EPHA6: variants seen among roughly 807,000 people sequenced by gnomAD.
EPHA6 encodes ephrin type-A receptor 6.
In EPHA6, 50 loss-of-function variants were observed where a neutral mutation model predicts 112.0. The ratio of observed to expected loss-of-function variants is 0.45; its 90% CI spans 0.36 to 0.56. EPHA6 has a LOEUF of 0.56. Among genes scored for constraint, EPHA6 ranks in the 20% least tolerant of loss-of-function variants. The probability of loss-of-function intolerance (pLI) is 0.00; values close to 1 mark genes in which losing one functional copy is unlikely to be tolerated. For missense variants in EPHA6, 1,280 were observed against 1,417.4 expected (o/e 0.90, Z 1.56); for synonymous variants, 529 against 490.7 (o/e 1.08, Z -1.03).
Position 96,869,200 on chromosome 3 carries a change from A to T in EPHA6, c.450+2311A>T, listed in dbSNP as rs538699115. Reference sequence around the variant, plus strand: ...CAAATACCCTGTTATTGTGCCTAAGACAGATTTTTCTACCCTCAAGGGGTA... The same window carrying T: ...CAAATACCCTGTTATTGTGCCTAAGTCAGATTTTTCTACCCTCAAGGGGTA... On this transcript the variant is annotated intron_variant, in intron 2 of 17. Transcript: ENST00000389672. Among the ~76,000 whole-genome samples, 6 of 152,098 alleles carry T rather than the reference A, an allele frequency of 3.9e-5. No homozygotes were observed. In the South Asian group the frequency reaches 1.2e-3, roughly 32 times the overall value.
At chr3:97,343,522 A>G (rs1223289522) in intron 5 of EPHA6, among the ~76,000 whole-genome samples, 1 of 152,198 alleles carries the variant, frequency 6.6e-6, no homozygotes, top group Non-Finnish European at 1.5e-5. Flanking sequence ...GAGAGAGTAT[A>G]TTCAGAAGAG....
chr3:97,547,425 A>G lies in EPHA6; in HGVS notation c.2386+14882A>G, dbSNP rs566797596. 1.2e-4 allele frequency among the ~76,000 whole-genome samples: 18 copies of G among 152,152 alleles called. 1 individual carries two copies. In the South Asian group the frequency reaches 3.7e-3, roughly 32 times the overall value. On this transcript the variant is annotated intron_variant, in intron 11 of 17. Coordinates refer to ENST00000389672, the MANE Select transcript of EPHA6 (RefSeq NM_001080448.3). ...GCTGCTGCCTGATTGTTCCTCTGAA[A>G]GTTTTGTCTCAGAGGAGTACCCGGC... is the stretch of plus-strand genomic sequence containing the variant.
In EPHA6 at chr3:97,169,536, G is replaced by A. The variant is rs368036980; in HGVS notation, c.1115-56728G>A. Among the ~76,000 whole-genome samples, 72 of 152,020 alleles carry A rather than the reference G, an allele frequency of 4.7e-4. 1 individual carries two copies. Among genetic ancestry groups the A allele is most frequent in the African/African-American group, 1.5e-3 (62 of 41,462 alleles). On this transcript the variant is annotated intron_variant, in intron 3 of 17. Transcript: ENST00000389672. ...CTTGTATGTATGATGTGGTTCCATT[G>A]TAAACTTCTTTAGAGGCTTATTAAA...
At chr3:97,628,188 C>T (rs2093874561) in intron 13 of EPHA6, among the ~76,000 whole-genome samples, 1 of 151,968 alleles carries the variant, frequency 6.6e-6, no homozygotes, top group African/African-American at 2.4e-5. Flanking sequence ...ATGCTCTAAA[C>T]TAGGATCGTT....
chr3:97,698,001 TG>T (rs1309176454), intron 14 of EPHA6, among the ~76,000 whole-genome samples: 2 of 152,172 alleles, frequency 1.3e-5, no homozygotes, highest in Non-Finnish European at 2.9e-5. Context: ...GCATGTTTTT[TG>T]TTTGTTTGTT....
intron 5 of EPHA6, among the ~76,000 whole-genome samples, chr3:97,262,829 TTGC>T (rs993683754): frequency 5.9e-5 from 9 of 152,214 alleles, no homozygotes; most frequent in African/African-American, 2.2e-4. Context: ...TCATGTTTAC[TTGC>T]TATATTCCCT....
intron 11 of EPHA6, among the ~76,000 whole-genome samples, chr3:97,582,848 T>C (rs548687151): frequency 2.7e-4 from 41 of 152,234 alleles, no homozygotes; most frequent in Middle Eastern, 3.4e-3. Context: ...AAACATTTGT[T>C]CGTAGATAGT....
intron 14 of EPHA6, among the ~76,000 whole-genome samples, chr3:97,651,798 G>GA (rs1355262306): frequency 6.6e-6 from 1 of 151,444 alleles, no homozygotes; most frequent in Non-Finnish European, 1.5e-5. Context: ...TGCTTGTACA[G>GA]AAAAAAAGAC....
In EPHA6 at chr3:97,666,627, G is replaced by C. The variant is rs1204700137; in HGVS notation, c.2784+28545G>C. Among the ~76,000 whole-genome samples, 3 of 152,042 alleles carry C rather than the reference G, an allele frequency of 2.0e-5. No homozygotes were observed. In the East Asian group the frequency reaches 5.8e-4, roughly 29 times the overall value. ...TTTTCCCATTTCATAAGGACACCAG[G>C]GATATTGGATTAGAAGCCCACCCTA... On this transcript the variant is annotated intron_variant, in intron 14 of 17. Transcript: ENST00000389672.
Position 97,687,900 on chromosome 3 carries a change from A to T in EPHA6, c.2785-32361A>T, listed in dbSNP as rs1160796083. On this transcript the variant is annotated intron_variant, in intron 14 of 17. Coordinates refer to ENST00000389672, the MANE Select transcript of EPHA6 (RefSeq NM_001080448.3). ...ATCTGGAGCATGCCTGTCTGGAGGT[A>T]CAGGGCAAGAATGCCAGAGTGATTA... Among the ~76,000 whole-genome samples the T allele has an allele frequency of 2.6e-5, 4 of 152,188 alleles. No individual in the cohort carries two copies. In the East Asian group the frequency reaches 7.7e-4, roughly 29 times the overall value.
At chr3:97,047,499 CAAAAAAAA>C (rs556388538) in intron 3 of EPHA6, among the ~76,000 whole-genome samples, 1 of 46,452 alleles carries the variant, frequency 2.2e-5, no homozygotes, top group African/African-American at 6.9e-5. Context: ...GACTCTGTCT[CAAAAAAAA>C]AAAAAAAAAA....
chr3:97,378,318 A>T (rs1431869723), intron 5 of EPHA6, among the ~76,000 whole-genome samples: 2 of 152,154 alleles, frequency 1.3e-5, no homozygotes, highest in African/African-American at 4.8e-5. Flanking sequence ...CTCTGCCTAG[A>T]TTTAAGAAAA....
chr3:97,536,485 C>T (rs2092766038), intron 11 of EPHA6, among the ~76,000 whole-genome samples: 1 of 152,134 alleles, frequency 6.6e-6, no homozygotes, highest in South Asian at 2.1e-4. Flanking sequence ...CAAACAAATT[C>T]CCAAACATAA....
At chr3:97,592,452 TATAA>T (rs10544944) in intron 11 of EPHA6, among the ~76,000 whole-genome samples, 156 bp from the exon 12 acceptor site, 21,328 of 152,194 alleles carry the variant, frequency 0.14, 1,734 homozygotes, top group Admixed American at 0.25. Flanking sequence ...AAGTTGATTT[TATAA>T]ATTTATGGAG....
At position 97,757,275 on chromosome 3, in the gene EPHA6, T is replaced by A. The variant is rs2107936882; in HGVS notation, c.*8574T>A. Among the ~76,000 whole-genome samples the A allele has an allele frequency of 6.6e-6, 1 of 151,956 alleles. No homozygotes were observed. Among genetic ancestry groups the A allele is most frequent in the Non-Finnish European group, 1.5e-5 (1 of 67,750 alleles). ...TTGAAACTAAAGTGCATTTCAAGGA[T>A]GGGAATCTCTAATATAAATGAGTAC... On this transcript the variant is annotated 3_prime_UTR_variant, in exon 18 of 18. Transcript: ENST00000389672.
In EPHA6 at chr3:96,969,417, C is replaced by G. The variant is rs146911101; in HGVS notation, c.451-17913C>G. On this transcript the variant is annotated intron_variant, in intron 2 of 17. Coordinates refer to ENST00000389672, the MANE Select transcript of EPHA6 (RefSeq NM_001080448.3). ...AATTTCTCATGTAGGATTCTGATGT[C>G]AAGCAAGCTTTGACCTTCCAAGAAC... Among the ~76,000 whole-genome samples the G allele has an allele frequency of 1.2e-3, 183 of 151,958 alleles. 1 individual carries two copies. The highest frequency in any genetic ancestry group is 4.2e-3 in the African/African-American group (174 of 41,498).
At chr3:97,345,425 G>A (rs2083487467) in intron 5 of EPHA6, among the ~76,000 whole-genome samples, 1 of 152,132 alleles carries the variant, frequency 6.6e-6, no homozygotes, top group Non-Finnish European at 1.5e-5. Flanking sequence ...ATCTTCTCCT[G>A]TGCCTTTATA....
intron 5 of EPHA6, among the ~76,000 whole-genome samples, chr3:97,331,026 C>T (rs1379975742): frequency 6.6e-6 from 1 of 152,030 alleles, no homozygotes; most frequent in Admixed American, 6.6e-5. Flanking sequence ...TGTAAGAGAA[C>T]AGAAATTATA....
rs1378819231 is a variant in EPHA6 at position 97,693,709 on chromosome 3, G to C, written c.2785-26552G>C. Among the ~76,000 whole-genome samples, 3 of 152,294 alleles carry C rather than the reference G, an allele frequency of 2.0e-5. No homozygotes were observed. In the East Asian group the frequency reaches 5.8e-4, roughly 29 times the overall value. On this transcript the variant is annotated intron_variant, in intron 14 of 17. Transcript: ENST00000389672. Reference sequence around the variant, plus strand: ...TGTAGTCCCAGCTACTCGGGAGACTGAGGCAGGAGAATGGCCTGAACCCGG... The same window carrying C: ...TGTAGTCCCAGCTACTCGGGAGACTCAGGCAGGAGAATGGCCTGAACCCGG...
Sources: allele counts gnomAD v4.1 joint callset (sites outside exome capture counted in the v4.1 genomes callset), GRCh38; gene constraint gnomAD v4.1.1; transcripts MANE v1.5; gene names NCBI Gene and HGNC (gene_info 2026-07-23, HGNC 2026-07-21).